Variants in SYNDIG1 observed in about 807,000 individuals in gnomAD.
SYNDIG1 encodes synapse differentiation inducing 1.
Under a neutral mutation model 19.4 loss-of-function variants are expected in SYNDIG1, and 9 were observed. The ratio of observed to expected loss-of-function variants is 0.46; its 90% CI spans 0.28 to 0.81. The LOEUF (loss-of-function observed/expected upper bound fraction) is 0.81. Among genes scored for constraint, SYNDIG1 ranks in the 30% least tolerant of loss-of-function variants. The probability of loss-of-function intolerance (pLI) is 0.12; values close to 1 mark genes in which losing one functional copy is unlikely to be tolerated. For missense variants in SYNDIG1, 311 were observed against 343.3 expected (o/e 0.91, Z 0.74); for synonymous variants, 141 against 145.9 (o/e 0.97, Z 0.24).
At chr20:24,523,684 G>T (rs1419526177) in intron 1 of SYNDIG1, among the ~76,000 whole-genome samples, 2 of 152,136 alleles carry the variant, frequency 1.3e-5, no homozygotes, top group Non-Finnish European at 2.9e-5. Context: ...TTTATATTTG[G>T]ACCGATGGAG....
intron 3 of SYNDIG1, among the ~76,000 whole-genome samples, chr20:24,624,974 G>T (rs1165458431): frequency 6.6e-6 from 1 of 152,024 alleles, no homozygotes; most frequent in Non-Finnish European, 1.5e-5. Flanking sequence ...AAATCTCAAG[G>T]AAAACTTAAG....
intron 2 of SYNDIG1, among the ~76,000 whole-genome samples, chr20:24,582,010 A>G (rs1170706446): frequency 2.9e-5 from 1 of 34,212 alleles, no homozygotes; most frequent in East Asian, 8.7e-4. Context: ...TGCATGTCCC[A>G]CCCCCTGCAT....
chr20:24,555,063 T>A (rs2057785631), intron 2 of SYNDIG1, among the ~76,000 whole-genome samples: 1 of 152,188 alleles, frequency 6.6e-6, no homozygotes, highest in Non-Finnish European at 1.5e-5. Context: ...ATTTATCCAT[T>A]TCTTCTAGAT....
chr20:24,513,623 T>G (rs2056797308), intron 1 of SYNDIG1, among the ~76,000 whole-genome samples: 1 of 152,216 alleles, frequency 6.6e-6, no homozygotes, highest in African/African-American at 2.4e-5. Context: ...TATGGGACTA[T>G]GTGAAAAGAC....
At chr20:24,484,906 G>A (rs907093060) in intron 1 of SYNDIG1, among the ~76,000 whole-genome samples, 1 of 152,172 alleles carries the variant, frequency 6.6e-6, no homozygotes, top group African/African-American at 2.4e-5. Context: ...GGAGGGGTTT[G>A]GGTGATGGGG....
At chr20:24,507,507 G>A (rs2056622273) in intron 1 of SYNDIG1, among the ~76,000 whole-genome samples, 1 of 152,200 alleles carries the variant, frequency 6.6e-6, no homozygotes, top group Admixed American at 6.5e-5. Context: ...TCTGTTCCTA[G>A]CCCATCCCTC....
At chr20:24,491,975 G>C (rs1413447883) in intron 1 of SYNDIG1, among the ~76,000 whole-genome samples, 2 of 152,226 alleles carry the variant, frequency 1.3e-5, no homozygotes, top group Admixed American at 6.5e-5. Flanking sequence ...GCTGAAGACA[G>C]GTGGAAAGAA....
intron 1 of SYNDIG1, among the ~76,000 whole-genome samples, chr20:24,479,612 C>G (rs2055738137): frequency 6.6e-6 from 1 of 152,210 alleles, no homozygotes; most frequent in African/African-American, 2.4e-5. Flanking sequence ...TTCCTCATCA[C>G]TAGATCTAAG....
intron 3 of SYNDIG1, among the ~76,000 whole-genome samples, chr20:24,638,213 GAGA>G (rs1335889896): frequency 2.6e-5 from 4 of 152,236 alleles, no homozygotes; most frequent in Non-Finnish European, 4.4e-5. Flanking sequence ...GTGCAGGGCT[GAGA>G]AGGACAGAAA....
intron 3 of SYNDIG1, among the ~76,000 whole-genome samples, chr20:24,589,275 C>G (rs190852322): frequency 6.6e-6 from 1 of 152,212 alleles, no homozygotes; most frequent in African/African-American, 2.4e-5. Flanking sequence ...TACAGATTAA[C>G]AAAACTGAAG....
At chr20:24,617,422 T>TG (rs2058954473) in intron 3 of SYNDIG1, among the ~76,000 whole-genome samples, 1 of 152,196 alleles carries the variant, frequency 6.6e-6, no homozygotes, top group African/African-American at 2.4e-5. Flanking sequence ...GGAATGGACT[T>TG]GCGTGCCTTC....
At chr20:24,500,526 CTTT>C (rs753831911) in intron 1 of SYNDIG1, among the ~76,000 whole-genome samples, 1 of 135,726 alleles carries the variant, frequency 7.4e-6, no homozygotes, top group African/African-American at 2.8e-5. Context: ...TTCTTTCTTT[CTTT>C]CTTCTTTCTT....
At chr20:24,517,300 T>TAA (rs200960543) in intron 1 of SYNDIG1, among the ~76,000 whole-genome samples, 1 of 140,874 alleles carries the variant, frequency 7.1e-6, no homozygotes, top group Non-Finnish European at 1.6e-5. Context: ...TAAAGTATAA[T>TAA]AAAAAAAAAA....
intron 3 of SYNDIG1, among the ~76,000 whole-genome samples, chr20:24,647,790 G>A (rs371081708): frequency 3.3e-5 from 5 of 150,534 alleles, no homozygotes; most frequent in Admixed American, 2.0e-4. Context: ...AGGGAGTATT[G>A]TGAAAAGTTG....
chr20:24,543,442 C>T lies in SYNDIG1; in HGVS notation c.345C>T (p.Phe115=). 6.2e-7 allele frequency: 1 copy of T among 1,613,662 alleles called. No homozygotes were observed. Among genetic ancestry groups the T allele is most frequent in the Non-Finnish European group, 8.5e-7 (1 of 1,180,028 alleles). Residue 115 remains phenylalanine (F), a synonymous_variant, in exon 2 of 4, where the codon TTC becomes TTT. Coordinates refer to ENST00000376862, the MANE Select transcript of SYNDIG1 (RefSeq NM_024893.3). ...CCGCCGACTGCTGCGAGACCACCTT[C>T]ATCGAGGACCGGTCGCCCACCAAAG... The part of the protein sequence containing the change: ...GVAADCCETT[F]IEDRSPTKDS...
chr20:24,604,479 T>A (rs1335613272), intron 3 of SYNDIG1, among the ~76,000 whole-genome samples: 1 of 152,216 alleles, frequency 6.6e-6, no homozygotes, highest in Non-Finnish European at 1.5e-5. Flanking sequence ...CATTATATGC[T>A]AATTACATGC....
intron 1 of SYNDIG1, among the ~76,000 whole-genome samples, chr20:24,495,985 C>T (rs1303481733): frequency 6.6e-6 from 1 of 152,148 alleles, no homozygotes; most frequent in African/African-American, 2.4e-5. Context: ...GCTGGGACTA[C>T]AGGTGCCTGC....
At chr20:24,493,020 G>A (rs1300988389) in intron 1 of SYNDIG1, among the ~76,000 whole-genome samples, 1 of 152,160 alleles carries the variant, frequency 6.6e-6, no homozygotes. Context: ...GGCAGGTAAG[G>A]GATATTGAAA....
intron 1 of SYNDIG1, among the ~76,000 whole-genome samples, chr20:24,494,134 G>A (rs183522740): frequency 1.5e-4 from 23 of 152,276 alleles, no homozygotes. Flanking sequence ...AAGTACAGGG[G>A]CAGGGAAGAG....
Sources: gnomAD v4.1 joint callset for allele counts (sites outside exome capture counted in the v4.1 genomes callset) on GRCh38, gnomAD v4.1.1 for gene constraint, MANE v1.5 for transcripts, NCBI Gene and HGNC (gene_info 2026-07-23, HGNC 2026-07-21) for gene names.